The following RGS22 variants were observed in gnomAD, a reference collection of about 807,000 sequenced individuals.
RGS22 encodes the protein regulator of G protein signaling 22, also known as regulator of G-protein signaling 22.
RGS22 carries 148 observed loss-of-function variants against 172.9 expected under a neutral mutation model. The ratio of observed to expected loss-of-function variants is 0.86; its 90% CI spans 0.75 to 0.98. The LOEUF is 0.98. Among genes scored for constraint, RGS22 ranks in the 50% least tolerant of loss-of-function variants. The pLI is 0.00. For missense variants in RGS22, 1,347 were observed against 1,440.8 expected (o/e 0.93, Z 1.05); for synonymous variants, 458 against 480.2 (o/e 0.95, Z 0.60).
intron 14 of RGS22, among the ~76,000 whole-genome samples, chr8:100,012,371 A>T (rs1214940677): frequency 6.6e-6 from 1 of 152,160 alleles, no homozygotes; most frequent in African/African-American, 2.4e-5. Context: ...TAAATAAGAG[A>T]TGAGTGGCTT....
In RGS22 at chr8:100,008,568, T is replaced by C; in HGVS notation, c.2168A>G (p.Tyr723Cys). 6.2e-7 allele frequency: 1 copy of C among 1,606,276 alleles called. No individual in the cohort carries two copies. The highest frequency in any genetic ancestry group is 8.5e-7 in the Non-Finnish European group (1 of 1,177,282). The part of the protein sequence containing the change: ...QPFKVCKQAQ[Y>C]LFATYVAPSA... ...AGGAGCAACGTATGTGGCAAAAAGATACTGAAGGAGAAGAGGGAAGAAGGG... is the reference window on the plus strand; with the variant it reads ...AGGAGCAACGTATGTGGCAAAAAGACACTGAAGGAGAAGAGGGAAGAAGGG... The change falls in exon 15 of 28, where the codon TAT (tyrosine) becomes TGT (cysteine). Residue 723 changes from tyrosine to cysteine, a missense_variant and splice_region_variant. Transcript: ENST00000360863.
intron 14 of RGS22, among the ~76,000 whole-genome samples, chr8:100,013,743 C>A (rs1216169822): frequency 6.6e-6 from 1 of 152,196 alleles, no homozygotes; most frequent in Non-Finnish European, 1.5e-5. Flanking sequence ...CTTTTCTTCA[C>A]CTTCAGCACA....
chr8:100,105,974 G>A lies in RGS22; in HGVS notation c.-53C>T, dbSNP rs1813912729. On this transcript the variant is annotated 5_prime_UTR_variant, in exon 1 of 28. Transcript: ENST00000360863. The stretch of plus-strand genomic sequence containing the variant: ...CCGCGCGGGCCGTCAGGGCCCTAGC[G>A]CGCGGGTCCAGCGCGGGTCAGGGCC... 2 of 1,371,176 alleles carry A rather than the reference G, an allele frequency of 1.5e-6. No individual in the cohort carries two copies. The highest frequency in any genetic ancestry group is 3.2e-5 in the East Asian group (1 of 31,540). 84.9% of individuals were successfully genotyped at this position (1,371,176 alleles called of 1,614,324 possible).
rs1815183732 is a variant in RGS22 at position 100,002,345 on chromosome 8, T to C, written c.2647A>G (p.Thr883Ala). 6.2e-7 allele frequency: 1 copy of C among 1,607,466 alleles called. No individual in the cohort carries two copies. The highest frequency in any genetic ancestry group is 8.5e-7 in the Non-Finnish European group (1 of 1,178,350). Reference sequence around the variant, plus strand: ...ATTCTCCGGAACTGCTCAATGTCTGTCCAGCACATAAGATCCATGCTAAAA... The same window carrying C: ...ATTCTCCGGAACTGCTCAATGTCTGCCCAGCACATAAGATCCATGCTAAAA... ...HSSSMDLMCW[T>A]DIEQFRRITY... Residue 883 changes from threonine to alanine, a missense_variant, in exon 18 of 28, where the codon ACA becomes GCA. Transcript: ENST00000360863.
chr8:100,055,060 A>G (rs1822104343), intron 9 of RGS22, among the ~76,000 whole-genome samples: 1 of 152,138 alleles, frequency 6.6e-6, no homozygotes, highest in Admixed American at 6.5e-5. Context: ...CTCTGGACCC[A>G]CCTAGGGCCT....
intron 14 of RGS22, among the ~76,000 whole-genome samples, chr8:100,027,642 C>A (rs1474355725): frequency 1.3e-5 from 2 of 152,070 alleles, no homozygotes. Context: ...ACCACCACAT[C>A]CGGCTAATTT....
chr8:100,016,305 G>C (rs1052942371), intron 14 of RGS22, among the ~76,000 whole-genome samples: 4 of 152,114 alleles, frequency 2.6e-5, no homozygotes, highest in Non-Finnish European at 5.9e-5. Flanking sequence ...CTAGAGAGCA[G>C]AGGGGAGGAA....
chr8:100,100,407 A>G (rs1325512662), intron 2 of RGS22, among the ~76,000 whole-genome samples: 1 of 150,852 alleles, frequency 6.6e-6, no homozygotes, highest in Non-Finnish European at 1.5e-5. Flanking sequence ...CTCCTGCTTC[A>G]GCCTCCCAAG....
rs199617669 is a variant in RGS22 at position 100,093,429 on chromosome 8, T to G, written c.117+18A>C. The G allele has an allele frequency of 1.4e-5, 21 of 1,463,584 alleles. No individual in the cohort carries two copies. Among genetic ancestry groups the G allele is most frequent in the Non-Finnish European group, 1.7e-5 (18 of 1,053,872 alleles). The allele number at this position is 1,463,584 out of a possible 1,614,324, so 90.7% of individuals were successfully genotyped here. A position where few individuals can be genotyped will look rare whatever the true frequency, so the allele number is the denominator to read the frequency against. On this transcript the variant is annotated intron_variant, in intron 3 of 27. Coordinates refer to ENST00000360863, the MANE Select transcript of RGS22 (RefSeq NM_015668.5). ...GCTTTGATAATATATATTCAATAGA[T>G]CATAATAATAAACTCACTGGAAGGC...
chr8:99,974,647 A>G (rs1811731470), intron 23 of RGS22, among the ~76,000 whole-genome samples: 1 of 151,466 alleles, frequency 6.6e-6, no homozygotes, highest in African/African-American at 2.4e-5. Flanking sequence ...AAAATACAAA[A>G]ATTAGCCAGG....
At chr8:100,058,064 T>C (rs977082265) in intron 9 of RGS22, among the ~76,000 whole-genome samples, 1 of 151,616 alleles carries the variant, frequency 6.6e-6, no homozygotes, top group African/African-American at 2.4e-5. Flanking sequence ...AGCTGAAAAA[T>C]GCAACTCACA....
chr8:99,986,840 G>A (rs912793666), intron 21 of RGS22, among the ~76,000 whole-genome samples: 1 of 152,024 alleles, frequency 6.6e-6, no homozygotes, highest in Non-Finnish European at 1.5e-5. Flanking sequence ...CTTACAAAGA[G>A]ATCTTGGTTG....
chr8:100,000,022 A>T (rs77043357), intron 18 of RGS22, among the ~76,000 whole-genome samples: 1 of 152,200 alleles, frequency 6.6e-6, no homozygotes, highest in African/African-American at 2.4e-5. Flanking sequence ...AACAGAGGCA[A>T]CAGGAAACAG....
intron 11 of RGS22, among the ~76,000 whole-genome samples, chr8:100,044,343 T>G (rs1207137092): frequency 6.6e-6 from 1 of 152,168 alleles, no homozygotes; most frequent in East Asian, 1.9e-4. Flanking sequence ...GCCTCCTGGG[T>G]TAAAGGTATT....
At chr8:100,080,869 A>C (rs1199058832) in intron 3 of RGS22, 1 of 152,648 alleles carries the variant, frequency 6.6e-6, no homozygotes, top group Non-Finnish European at 1.5e-5. Context: ...AAAAGAGAGA[A>C]GAAAATAACA....
chr8:100,081,803 A>G (rs2446905), intron 3 of RGS22, among the ~76,000 whole-genome samples: 92,292 of 151,860 alleles, frequency 0.61, 28,206 homozygotes, highest in Admixed American at 0.66. Flanking sequence ...TATTAATGGG[A>G]GTAGGAGAAA....
intron 22 of RGS22, 143 bp downstream of exon 22, chr8:99,981,794 T>C: frequency 2.1e-6 from 1 of 472,762 alleles, no homozygotes; most frequent in South Asian, 4.7e-5. Context: ...ACTCCTGAGC[T>C]CAAACAATCT....
At chr8:100,004,174 A>G (rs1037963588) in intron 16 of RGS22, 76 bp from the exon 17 acceptor site, 1 of 1,437,534 alleles carries the variant, frequency 7.0e-7, no homozygotes, top group Non-Finnish European at 9.1e-7. Context: ...GAGAAACTGA[A>G]AGAAAAATCA....
chr8:100,063,480 A>C lies in RGS22; in HGVS notation c.1288T>G (p.Tyr430Asp), dbSNP rs138159608. 1,088 of 1,609,134 alleles carry C rather than the reference A, an allele frequency of 6.8e-4. 9 individuals are homozygous for C. In the African/African-American group the frequency reaches 0.012, roughly 18 times the overall value. The change falls in exon 8 of 28, where the codon TAT (tyrosine) becomes GAT (aspartate). Residue 430 changes from tyrosine to aspartate, a missense_variant. Transcript: ENST00000360863. Reference sequence around the variant, plus strand: ...TCAATATCCATCCATAGCCACCAATATCTCTCTCCCAATGTACCTTTTATA... The same window carrying C: ...TCAATATCCATCCATAGCCACCAATCTCTCTCTCCCAATGTACCTTTTATA... ...KFIKGTLGERYWWLWMDIERL... is the reference protein window; with the variant it reads ...KFIKGTLGERDWWLWMDIERL...
Sources: gnomAD v4.1 joint callset for allele counts (sites outside exome capture counted in the v4.1 genomes callset) on GRCh38, gnomAD v4.1.1 for gene constraint, MANE v1.5 for transcripts, NCBI Gene and HGNC (gene_info 2026-07-23, HGNC 2026-07-21) for gene names.